The following GAS7 variants were observed in gnomAD, a reference collection of about 807,000 sequenced individuals.
GAS7 encodes growth arrest-specific protein 7.
GAS7 carries 28 observed loss-of-function variants against 71.1 expected under a neutral mutation model. The ratio of observed to expected loss-of-function variants is 0.39; its 90% CI spans 0.29 to 0.54. The LOEUF (loss-of-function observed/expected upper bound fraction) is 0.54, where lower values mean the gene tolerates loss of function less well. GAS7 is among the 20% of genes least tolerant of loss of function. The probability of loss-of-function intolerance (pLI) is 0.62; values close to 1 mark genes in which losing one functional copy is unlikely to be tolerated. For synonymous variants in GAS7, 258 were observed against 245.8 expected, an observed-to-expected ratio of 1.05 and a Z score of -0.46; for missense variants, 436 against 627.8, an observed-to-expected ratio of 0.69 and a Z score of 3.27.
intron 9 of GAS7, among the ~76,000 whole-genome samples, chr17:9,930,749 C>T (rs1370266535): frequency 6.6e-6 from 1 of 152,202 alleles, no homozygotes; most frequent in Non-Finnish European, 1.5e-5. Flanking sequence ...CGGTTTTTGG[C>T]ATATGGAGCT....
chr17:10,093,931 C>A (rs1434331794), intron 1 of GAS7, among the ~76,000 whole-genome samples: 1 of 152,186 alleles, frequency 6.6e-6, no homozygotes, highest in Non-Finnish European at 1.5e-5. Context: ...AGCACCCTCT[C>A]AGGAGACAGC....
rs559945251 is a variant in GAS7 at position 10,037,072 on chromosome 17, A to T, written c.184-17175T>A. Among the ~76,000 whole-genome samples the T allele has an allele frequency of 1.4e-3, 211 of 152,342 alleles. 2 individuals are homozygous for T. Among genetic ancestry groups the T allele is most frequent in the African/African-American group, 4.9e-3 (205 of 41,570 alleles). On this transcript the variant is annotated intron_variant, in intron 1 of 13. Coordinates refer to ENST00000432992, the MANE Select transcript of GAS7 (RefSeq NM_201433.2). ...AAAAAGAACGGAGAATGTTCCCCCA[A>T]AGAACCACTGTGTGGAAAGCTGGTG...
chr17:10,107,517 G>A (rs1401872537), intron 1 of GAS7, among the ~76,000 whole-genome samples: 3 of 151,320 alleles, frequency 2.0e-5, no homozygotes, highest in African/African-American at 4.9e-5. Context: ...CTGGGCAGGA[G>A]AACTACCTTA....
At chr17:10,111,314 G>C (rs55699950) in intron 1 of GAS7, among the ~76,000 whole-genome samples, 150,817 of 150,848 alleles carry the variant, frequency 1, 75,393 homozygotes, top group Middle Eastern at 1. Flanking sequence ...GTGGGCGGAT[G>C]ATGGGTAAGG....
intron 9 of GAS7, among the ~76,000 whole-genome samples, chr17:9,931,731 C>T (rs146924063): frequency 2.6e-4 from 39 of 152,314 alleles, no homozygotes; most frequent in African/African-American, 9.4e-4. Context: ...AGTTAGCATG[C>T]CTTCACTGGC....
intron 1 of GAS7, among the ~76,000 whole-genome samples, chr17:10,161,149 A>G (rs766789354): frequency 6.6e-6 from 1 of 152,134 alleles, no homozygotes; most frequent in Non-Finnish European, 1.5e-5. Context: ...GTGCTTCCCA[A>G]GTATTACCAA....
At position 9,959,591 on chromosome 17, in the gene GAS7, T is replaced by C. The variant is rs553034254; in HGVS notation, c.472-336A>G. On this transcript the variant is annotated intron_variant, in intron 4 of 13. Transcript: ENST00000432992. This position sits in a 1 kb window ranked among gnomAD's most constrained non-coding sequence, Gnocchi z 5.0. Reference sequence around the variant, plus strand: ...TGCTGGTGAACGTTCCGCGTGCCGCTTGCTGCCTGAAGCCGCGGAATCCAC... The same window carrying C: ...TGCTGGTGAACGTTCCGCGTGCCGCCTGCTGCCTGAAGCCGCGGAATCCAC... The C allele has an allele frequency of 2.6e-5, 15 of 585,866 alleles. No individual in the cohort carries two copies. The highest frequency in any genetic ancestry group is 2.2e-4 in the African/African-American group (12 of 53,912). 36.3% of individuals were successfully genotyped at this position (585,866 alleles called of 1,614,324 possible).
At chr17:10,043,126 T>C (rs1361939202) in intron 1 of GAS7, among the ~76,000 whole-genome samples, 1 of 152,110 alleles carries the variant, frequency 6.6e-6, no homozygotes, top group African/African-American at 2.4e-5. Context: ...GGGCATGCTC[T>C]TGCTTAAGCA....
intron 1 of GAS7, among the ~76,000 whole-genome samples, chr17:10,126,416 GCACA>G (rs969591770): frequency 6.2e-5 from 9 of 146,292 alleles, no homozygotes; most frequent in East Asian, 2.0e-4. Context: ...GTGCAAACAC[GCACA>G]CACAAACACG....
chr17:9,925,174 C>T (rs1313098145), intron 11 of GAS7, among the ~76,000 whole-genome samples: 1 of 130,398 alleles, frequency 7.7e-6, no homozygotes, highest in Non-Finnish European at 1.7e-5. Context: ...AGATCTGGGG[C>T]TTGGGCGGAA....
At chr17:9,984,439 A>G (rs1234483866) in intron 2 of GAS7, among the ~76,000 whole-genome samples, 1 of 152,144 alleles carries the variant, frequency 6.6e-6, no homozygotes, top group African/African-American at 2.4e-5. Flanking sequence ...ATTGAGGGTG[A>G]TCTGGAAAGC....
chr17:10,009,671 C>CAA (rs373722135), intron 2 of GAS7, among the ~76,000 whole-genome samples: 69 of 78,236 alleles, frequency 8.8e-4, no homozygotes, highest in African/African-American at 2.2e-3. Context: ...GACCCCTTCT[C>CAA]AAAAAAAAAA....
intron 1 of GAS7, among the ~76,000 whole-genome samples, chr17:10,120,622 G>A (rs960883556): frequency 6.6e-6 from 1 of 152,224 alleles, no homozygotes; most frequent in Admixed American, 6.5e-5. Flanking sequence ...TGAGGCAGTA[G>A]AATCGCTTGA....
At chr17:10,174,317 T>C (rs1017363329) in intron 1 of GAS7, among the ~76,000 whole-genome samples, 12 of 152,242 alleles carry the variant, frequency 7.9e-5, no homozygotes, top group Non-Finnish European at 1.6e-4. Flanking sequence ...ATATAGGGGA[T>C]GCAGTCTGTA....
intron 2 of GAS7, among the ~76,000 whole-genome samples, chr17:9,982,325 G>C (rs2070441028): frequency 6.6e-6 from 1 of 152,196 alleles, no homozygotes; most frequent in South Asian, 2.1e-4. Context: ...AAAGCACAGA[G>C]GTGCAGGAGC....
chr17:9,925,333 A>C, intron 11 of GAS7, 143 bp downstream of exon 11: 2 of 784,934 alleles, frequency 2.5e-6, no homozygotes, highest in Non-Finnish European at 2.1e-6. Flanking sequence ...AAGAGGGGGT[A>C]CCTCCTGGCA....
chr17:9,911,183 C>T lies in GAS7; in HGVS notation c.*6045G>A, dbSNP rs917857537. On this transcript the variant is annotated 3_prime_UTR_variant, in exon 14 of 14. Coordinates refer to ENST00000432992, the MANE Select transcript of GAS7 (RefSeq NM_201433.2). This position sits in a 1 kb window ranked among gnomAD's most constrained non-coding sequence, Gnocchi z 4.0. ...CTGGAACCCACGACTCCCGAGAGCC[C>T]GTCTGCTGCAGGTGATGCTGGAAGG... 5 of 233,196 alleles carry T rather than the reference C, an allele frequency of 2.1e-5. No individual in the cohort carries two copies. Among genetic ancestry groups the T allele is most frequent in the East Asian group, 6.0e-5 (1 of 16,582 alleles). The allele number at this position is 233,196 out of a possible 1,614,324, so 14.4% of individuals were successfully genotyped here. A position where few individuals can be genotyped will look rare whatever the true frequency, so the allele number is the denominator to read the frequency against.
At chr17:10,016,967 A>T (rs182112736) in intron 2 of GAS7, among the ~76,000 whole-genome samples, 11 of 147,396 alleles carry the variant, frequency 7.5e-5, no homozygotes, top group Non-Finnish European at 1.4e-4. Flanking sequence ...TAAAAAATAT[A>T]AAAAAATAAA....
chr17:9,953,808 A>T (rs1327367653), intron 5 of GAS7, among the ~76,000 whole-genome samples: 1 of 152,226 alleles, frequency 6.6e-6, no homozygotes, highest in Non-Finnish European at 1.5e-5. Flanking sequence ...CTGTTCTACA[A>T]GGGGATGGGG....
Sources: allele counts gnomAD v4.1 joint callset (sites outside exome capture counted in the v4.1 genomes callset), GRCh38; gene constraint gnomAD v4.1.1; non-coding constraint Gnocchi (gnomAD v3.1); transcripts MANE v1.5; gene names NCBI Gene and HGNC (gene_info 2026-07-23, HGNC 2026-07-21).